The following SYT1 variants were observed in gnomAD, a reference collection of about 807,000 sequenced individuals.
SYT1 encodes the protein synaptotagmin-1.
A neutral mutation model predicts 44.8 loss-of-function variants in SYT1; 8 were observed. That is an observed-to-expected ratio of 0.18 (90% confidence interval 0.10 to 0.32). The LOEUF (loss-of-function observed/expected upper bound fraction) is 0.32. Ranked by LOEUF, SYT1 falls within the 10% of genes least tolerant of loss-of-function variation. The probability of loss-of-function intolerance (pLI) is 1.00; values close to 1 mark genes in which losing one functional copy is unlikely to be tolerated. For missense variants in SYT1, 286 were observed against 509.3 expected, an observed-to-expected ratio of 0.56 and a Z score of 4.22; for synonymous variants, 154 against 188.8, an observed-to-expected ratio of 0.82 and a Z score of 1.51.
In SYT1 at chr12:79,293,114, C is replaced by G. The variant is rs113609916; in HGVS notation, c.474+984C>G. Among the ~76,000 whole-genome samples, 14 of 149,492 alleles carry G rather than the reference C, an allele frequency of 9.4e-5. 1 individual carries two copies. The highest frequency in any genetic ancestry group is 3.2e-4 in the African/African-American group (13 of 40,484). On this transcript the variant is annotated intron_variant, in intron 6 of 10. Coordinates refer to ENST00000261205, the MANE Select transcript of SYT1 (RefSeq NM_005639.3). The stretch of plus-strand genomic sequence containing the variant: ...TATCACGAGGTCAGGAGATCAAGAC[C>G]ATCCTGGCTAACACGGTGAAACCCT...
intron 4 of SYT1, among the ~76,000 whole-genome samples, chr12:79,263,320 C>T (rs1030326218): frequency 6.7e-6 from 1 of 150,316 alleles, no homozygotes. Flanking sequence ...TTTCTTTCTG[C>T]CTAATAATAC....
intron 3 of SYT1, among the ~76,000 whole-genome samples, chr12:79,063,599 C>T (rs1255817323): frequency 1.3e-5 from 2 of 152,176 alleles, no homozygotes; most frequent in East Asian, 1.9e-4. Flanking sequence ...TATAGAATTA[C>T]AAATAAGATA....
chr12:79,392,658 T>TTACTA (rs968411067), intron 9 of SYT1: 1 of 151,952 alleles, frequency 6.6e-6, no homozygotes, highest in African/African-American at 2.4e-5. Flanking sequence ...AATTAAAAGA[T>TTACTA]TACTAGTTCA....
intron 1 of SYT1, among the ~76,000 whole-genome samples, chr12:78,931,315 G>A (rs1592574923): frequency 1.0e-4 from 2 of 19,620 alleles, no homozygotes; most frequent in African/African-American, 8.0e-4. Flanking sequence ...AGGAGAGGGA[G>A]GGAGGGAGGG....
chr12:79,033,964 A>G (rs1872971484), intron 2 of SYT1, among the ~76,000 whole-genome samples: 1 of 151,446 alleles, frequency 6.6e-6, no homozygotes, highest in African/African-American at 2.4e-5. Flanking sequence ...GCCTAATGTA[A>G]TTCTATGTGA....
intron 4 of SYT1, among the ~76,000 whole-genome samples, chr12:79,237,097 G>A (rs1177062906): frequency 6.6e-6 from 1 of 152,316 alleles, no homozygotes; most frequent in Middle Eastern, 3.4e-3. Context: ...GAACACTAGC[G>A]TGAGATAATG....
chr12:78,968,394 A>C (rs1455842171), intron 1 of SYT1, among the ~76,000 whole-genome samples: 1 of 152,058 alleles, frequency 6.6e-6, no homozygotes, highest in Non-Finnish European at 1.5e-5. Context: ...ACCACCCTCA[A>C]AAGGAAACTT....
At chr12:79,001,761 A>G (rs1039233292) in intron 2 of SYT1, among the ~76,000 whole-genome samples, 3 of 152,184 alleles carry the variant, frequency 2.0e-5, no homozygotes, top group African/African-American at 7.2e-5. Context: ...TGTCAAAGTG[A>G]TGCAGATTTT....
intron 4 of SYT1, among the ~76,000 whole-genome samples, chr12:79,237,368 C>G (rs541223406): frequency 6.6e-6 from 1 of 152,084 alleles, no homozygotes. Flanking sequence ...ATTAGTAAGA[C>G]TACACAGAGG....
At chr12:78,898,794 C>T (rs1450784366) in intron 1 of SYT1, among the ~76,000 whole-genome samples, 2 of 151,992 alleles carry the variant, frequency 1.3e-5, no homozygotes, top group South Asian at 2.1e-4. Context: ...ATAGTGATTT[C>T]GCATGTAGAG....
chr12:79,410,062 G>T (rs752530317), intron 9 of SYT1, among the ~76,000 whole-genome samples: 8 of 152,042 alleles, frequency 5.3e-5, no homozygotes, highest in Admixed American at 2.6e-4. Context: ...TGCTGAGTGT[G>T]TTTACAGAGG....
intron 1 of SYT1, among the ~76,000 whole-genome samples, chr12:78,876,862 A>G (rs780730286): frequency 4.3e-4 from 22 of 51,094 alleles, no homozygotes; most frequent in African/African-American, 1.7e-3. Context: ...TATATAATAT[A>G]TATAATATAT....
intron 1 of SYT1, chr12:78,960,154 G>C (rs932092737): frequency 6.6e-6 from 1 of 152,100 alleles, no homozygotes; most frequent in African/African-American, 2.4e-5. Context: ...TTTTCTGGGA[G>C]TTATGCTGGC....
intron 8 of SYT1, among the ~76,000 whole-genome samples, chr12:79,300,789 T>TATATATATATA (rs1555215390): frequency 2.2e-5 from 2 of 89,624 alleles, no homozygotes; most frequent in Non-Finnish European, 2.2e-5. Flanking sequence ...TGTATACTTA[T>TATATATATATA]TATATATATA....
intron 1 of SYT1, among the ~76,000 whole-genome samples, chr12:78,891,234 G>A (rs1003699338): frequency 1.3e-5 from 2 of 151,840 alleles, no homozygotes; most frequent in Non-Finnish European, 2.9e-5. Flanking sequence ...AATTTATGGT[G>A]TACAAAGCAC....
At chr12:78,927,550 A>G (rs371732702) in intron 1 of SYT1, among the ~76,000 whole-genome samples, 6 of 152,272 alleles carry the variant, frequency 3.9e-5, no homozygotes, top group East Asian at 3.9e-4. Flanking sequence ...CTGAAATTAC[A>G]TAAGTGTCTT....
At chr12:79,255,363 T>C (rs1877456249) in intron 4 of SYT1, among the ~76,000 whole-genome samples, 1 of 152,344 alleles carries the variant, frequency 6.6e-6, no homozygotes, top group Non-Finnish European at 1.5e-5. Flanking sequence ...TATATGTACA[T>C]TGATTTTTAG....
At chr12:79,295,656 T>G (rs1879843698) in intron 6 of SYT1, among the ~76,000 whole-genome samples, 1 of 152,222 alleles carries the variant, frequency 6.6e-6, no homozygotes, top group Non-Finnish European at 1.5e-5. Context: ...GAATAAAAGT[T>G]TCCCACTTTG....
chr12:78,913,692 T>G (rs1303704351), intron 1 of SYT1, among the ~76,000 whole-genome samples: 2 of 151,908 alleles, frequency 1.3e-5, no homozygotes, highest in Non-Finnish European at 2.9e-5. Context: ...TTACAACTTT[T>G]ATTTGATCTT....
Sources: allele counts gnomAD v4.1 joint callset (sites outside exome capture counted in the v4.1 genomes callset), GRCh38; gene constraint gnomAD v4.1.1; transcripts MANE v1.5; gene names NCBI Gene and HGNC (gene_info 2026-07-23, HGNC 2026-07-21).